TCIRG1: variants seen among roughly 807,000 people sequenced by gnomAD.
TCIRG1 encodes the protein T cell immune regulator 1, ATPase H+ transporting V0 subunit a3.
In TCIRG1, 86 loss-of-function variants were observed where a neutral mutation model predicts 95.5. The ratio of observed to expected loss-of-function variants is 0.90; its 90% CI spans 0.76 to 1.08. The LOEUF (loss-of-function observed/expected upper bound fraction) is 1.08, where lower values mean the gene tolerates loss of function less well. Among genes scored for constraint, TCIRG1 ranks in the 50% least tolerant of loss-of-function variants. The pLI is 0.00. For missense variants in TCIRG1, 1,069 were observed against 1,140.2 expected, an observed-to-expected ratio of 0.94 and a Z score of 0.90; for synonymous variants, 499 against 501.3, an observed-to-expected ratio of 1.00 and a Z score of 0.06.
intron 1 of TCIRG1, among the ~76,000 whole-genome samples, chr11:68,039,327 C>T (rs1389869770): frequency 6.6e-5 from 10 of 152,126 alleles, no homozygotes; most frequent in African/African-American, 2.2e-4. Context: ...CAACACAGCC[C>T]AGCGTTCCCG....
chr11:68,050,676 C>G lies in TCIRG1; in HGVS notation c.2414+12C>G. 1 of 1,613,586 alleles carries G rather than the reference C, an allele frequency of 6.2e-7. No individual in the cohort carries two copies. Among genetic ancestry groups the G allele is most frequent in the South Asian group, 1.1e-5 (1 of 91,090 alleles). On this transcript the variant is annotated intron_variant, in intron 19 of 19. Coordinates refer to ENST00000265686, the MANE Select transcript of TCIRG1 (RefSeq NM_006019.4). ...CTGCGGCTGCACTGGTGAGCGACCACCCACTGGCCTGGGCTGCTCAAGGCG... is the reference window on the plus strand; with the variant it reads ...CTGCGGCTGCACTGGTGAGCGACCAGCCACTGGCCTGGGCTGCTCAAGGCG...
chr11:68,049,640 G>T, intron 15 of TCIRG1, 23 bp from the exon 16 acceptor site: 1 of 1,597,386 alleles, frequency 6.3e-7, no homozygotes, highest in South Asian at 1.1e-5. Context: ...GGGACGCCCT[G>T]ACTCTCGCCC....
intron 10 of TCIRG1, among the ~76,000 whole-genome samples, chr11:68,046,501 A>T (rs948567240): frequency 2.0e-5 from 3 of 152,044 alleles, no homozygotes; most frequent in African/African-American, 7.2e-5. Flanking sequence ...GTTCCTTTTC[A>T]TAAGGACATC....
chr11:68,052,592 C>T (rs547616045), downstream of TCIRG1, among the ~76,000 whole-genome samples: 1 of 152,214 alleles, frequency 6.6e-6, no homozygotes, highest in Non-Finnish European at 1.5e-5. Context: ...TCCCCAGGCA[C>T]CAGCACTGCT....
chr11:68,048,235 C>A, intron 13 of TCIRG1: 1 of 585,656 alleles, frequency 1.7e-6, no homozygotes, highest in South Asian at 1.9e-5. Context: ...AGGAACCAGC[C>A]TGCAGCTTGC....
rs774700919 is a variant in TCIRG1 at position 68,050,822 on chromosome 11, C to T, written c.*3C>T. ...CCTTCGCTGCCACAGATGACTAGGG[C>T]CCACTGCAGGTCCTGCCAGACCTCC... On this transcript the variant is annotated 3_prime_UTR_variant, in exon 20 of 20. Coordinates refer to ENST00000265686, the MANE Select transcript of TCIRG1 (RefSeq NM_006019.4). 8 of 1,612,842 alleles carry T rather than the reference C, an allele frequency of 5.0e-6. No homozygotes were observed. The South Asian group carries it at 7.7e-5, about 15-fold the overall frequency.
downstream of TCIRG1, among the ~76,000 whole-genome samples, chr11:68,052,657 C>T (rs1855837394): frequency 6.6e-6 from 1 of 152,118 alleles, no homozygotes; most frequent in South Asian, 2.1e-4. Flanking sequence ...AGCAGGGAAA[C>T]CAGAGTGTGC....
chr11:68,045,958 G>T (rs1424700832), intron 10 of TCIRG1, among the ~76,000 whole-genome samples: 1 of 152,174 alleles, frequency 6.6e-6, no homozygotes, highest in Non-Finnish European at 1.5e-5. Context: ...GGGGCACTGG[G>T]GGGTTTGCTG....
intron 9 of TCIRG1, 78 bp downstream of exon 9, chr11:68,044,422 T>C (rs941478101): frequency 8.0e-5 from 96 of 1,204,404 alleles, no homozygotes; most frequent in Non-Finnish European, 1.0e-4. Flanking sequence ...ACTTCCAGCC[T>C]CTGGCTCCCT....
chr11:68,044,953 C>A lies in TCIRG1; in HGVS notation c.1021-5C>A, dbSNP rs751603708. 2.2e-5 allele frequency: 36 copies of A among 1,607,070 alleles called. No individual in the cohort carries two copies. In the East Asian group the frequency reaches 7.4e-4, roughly 33 times the overall value. ...GTTCTGGTCTGTCTCTGCCCTGGCA[C>A]CCAGATGGAGGAGGGAGTGAGTGCC... On this transcript the variant is annotated splice_polypyrimidine_tract_variant and splice_region_variant and intron_variant, in intron 9 of 19. Transcript: ENST00000265686.
chr11:68,049,404 C>T, intron 15 of TCIRG1, 110 bp downstream of exon 15: 1 of 1,230,978 alleles, frequency 8.1e-7, no homozygotes, highest in Non-Finnish European at 1.1e-6. Context: ...GATGCAGGCC[C>T]CGGGCCGTGC....
chr11:68,041,350 A>T lies in TCIRG1; in HGVS notation c.79A>T (p.Ser27Cys), dbSNP rs748751488. The T allele has an allele frequency of 2.1e-5, 34 of 1,613,124 alleles. No individual in the cohort carries two copies. Among genetic ancestry groups the T allele is most frequent in the Non-Finnish European group, 2.7e-5 (32 of 1,179,886 alleles). ...LPTAAAYTCV[S>C]RLGELGLVEF... Reference sequence around the variant, plus strand: ...CACAGCGGCTGCCTACACCTGCGTGAGTCGGCTGGGCGAGCTGGGCCTCGT... The same window carrying T: ...CACAGCGGCTGCCTACACCTGCGTGTGTCGGCTGGGCGAGCTGGGCCTCGT... The change falls in exon 2 of 20, where the codon AGT (serine) becomes TGT (cysteine). Residue 27 changes from serine (S) to cysteine (C), a missense_variant. Coordinates refer to ENST00000265686, the MANE Select transcript of TCIRG1 (RefSeq NM_006019.4).
Position 68,044,999 on chromosome 11 carries a change from C to G in TCIRG1, c.1062C>G (p.Cys354Trp). Residue 354 changes from cysteine (C) to tryptophan (W), a missense_variant, in exon 10 of 20, where the codon TGC becomes TGG. By Grantham distance (215) the Cys-to-Trp change is radical. Coordinates refer to ENST00000265686, the MANE Select transcript of TCIRG1 (RefSeq NM_006019.4). ...GTGCCGTGGCTCACCGCATCCCCTG[C>G]CGGGACATGCCCCCCACACTCATCC... ...GVSAVAHRIP[C>W]RDMPPTLIRT... The G allele has an allele frequency of 6.2e-7, 1 of 1,608,742 alleles. No homozygotes were observed. The highest frequency in any genetic ancestry group is 2.2e-5 in the East Asian group (1 of 44,882).
intron 10 of TCIRG1, chr11:68,046,870 C>G (rs1855511890): frequency 2.2e-6 from 1 of 456,174 alleles, no homozygotes; most frequent in Admixed American, 2.3e-5. Context: ...TCCTGTGGCT[C>G]CAGCAGCTGG....
In TCIRG1 at chr11:68,047,865, C is replaced by T. The variant is rs748821850; in HGVS notation, c.1464-17C>T. 3.1e-6 allele frequency: 5 copies of T among 1,613,186 alleles called. No individual in the cohort carries two copies. In the Admixed American group the frequency reaches 5.0e-5, roughly 16 times the overall value. On this transcript the variant is annotated splice_polypyrimidine_tract_variant and intron_variant, in intron 12 of 19. Coordinates refer to ENST00000265686, the MANE Select transcript of TCIRG1 (RefSeq NM_006019.4). ...CAGCACCCGCAGCCCTGACCGCCCT[C>T]CCCTGCGTTGCCGCAGTGATGCATT... is the stretch of plus-strand genomic sequence containing the variant.
Position 68,043,030 on chromosome 11 carries a change from A to C in TCIRG1, c.502A>C (p.Asn168His), listed in dbSNP as rs1160066233. The C allele has an allele frequency of 6.5e-7, 1 of 1,550,230 alleles. No individual in the cohort carries two copies. Among genetic ancestry groups the C allele is most frequent in the Admixed American group, 2.0e-5 (1 of 51,198 alleles). ...PGGPHQDLRV[N>H]FVAGAVEPHK... ...GGGGCCGCACCAGGACCTGAGGGTC[A>C]AGTGAGTGAGGGATGACCTCATGCC... The change falls in exon 5 of 20, where the codon AAC (asparagine) becomes CAC (histidine). Residue 168 changes from asparagine to histidine, a missense_variant and splice_region_variant. Transcript: ENST00000265686.
At chr11:68,051,752 G>C (rs1481826691), downstream of TCIRG1, among the ~76,000 whole-genome samples, 1 of 152,222 alleles carries the variant, frequency 6.6e-6, no homozygotes, top group Non-Finnish European at 1.5e-5. Flanking sequence ...AGCAGAGAAG[G>C]CTAAATGAAG....
intron 8 of TCIRG1, 52 bp downstream of exon 8, chr11:68,043,959 C>A (rs745765696): frequency 4.8e-6 from 7 of 1,448,198 alleles, no homozygotes; most frequent in Non-Finnish European, 6.6e-6. Flanking sequence ...GTGCCCCCGG[C>A]CTCCCGGAGG....
intron 13 of TCIRG1, 74 bp downstream of exon 13, chr11:68,048,046 G>C: frequency 7.3e-7 from 1 of 1,362,406 alleles, no homozygotes; most frequent in South Asian, 1.2e-5. Flanking sequence ...CCTCGGTTCA[G>C]CCGTCCTGCA....
Sources: gnomAD v4.1 joint callset for allele counts (sites outside exome capture counted in the v4.1 genomes callset) on GRCh38, gnomAD v4.1.1 for gene constraint, MANE v1.5 for transcripts, NCBI Gene and HGNC (gene_info 2026-07-23, HGNC 2026-07-21) for gene names.